TRERF1: variants seen among roughly 807,000 people sequenced by gnomAD.
TRERF1 encodes transcriptional-regulating factor 1.
In TRERF1, 27 loss-of-function variants were observed where a neutral mutation model predicts 122.9. The ratio of observed to expected loss-of-function variants is 0.22; its 90% CI spans 0.16 to 0.30. TRERF1 has a LOEUF of 0.30. Among genes scored for constraint, TRERF1 ranks in the 10% least tolerant of loss-of-function variants. The pLI, the probability that TRERF1 is intolerant of heterozygous loss-of-function variation, is 1.00. For synonymous variants in TRERF1, 636 were observed against 641.7 expected (o/e 0.99, Z 0.13); for missense variants, 1,248 against 1,560.3 (o/e 0.80, Z 3.37).
At chr6:42,407,873 C>T (rs1458210245) in intron 2 of TRERF1, among the ~76,000 whole-genome samples, 3 of 150,918 alleles carry the variant, frequency 2.0e-5, no homozygotes, top group South Asian at 2.1e-4. Context: ...CACAGGTAAG[C>T]GATTCCATAT....
chr6:42,266,791 T>C (rs80065942), intron 5 of TRERF1, among the ~76,000 whole-genome samples: 1 of 152,220 alleles, frequency 6.6e-6, no homozygotes, highest in Non-Finnish European at 1.5e-5. Flanking sequence ...GGGTTAATCA[T>C]GGTGCACAAG....
At chr6:42,389,152 C>A (rs1777293156) in intron 2 of TRERF1, among the ~76,000 whole-genome samples, 1 of 152,132 alleles carries the variant, frequency 6.6e-6, no homozygotes, top group Non-Finnish European at 1.5e-5. Flanking sequence ...TTAAAATAGC[C>A]CACTCCCTGG....
chr6:42,384,268 A>G (rs1776425036), intron 2 of TRERF1, among the ~76,000 whole-genome samples: 1 of 152,206 alleles, frequency 6.6e-6, no homozygotes, highest in Non-Finnish European at 1.5e-5. Flanking sequence ...CTTCTGTAAA[A>G]TGGAATGTTA....
chr6:42,354,222 T>G (rs776585966), intron 3 of TRERF1, among the ~76,000 whole-genome samples: 24 of 152,346 alleles, frequency 1.6e-4, no homozygotes, highest in Non-Finnish European at 2.6e-4. Context: ...TTCTTATTAC[T>G]GCTGAATTTG....
intron 2 of TRERF1, among the ~76,000 whole-genome samples, chr6:42,400,696 A>T (rs1463177028): frequency 6.6e-6 from 1 of 152,192 alleles, no homozygotes; most frequent in Non-Finnish European, 1.5e-5. Flanking sequence ...ATGGGAGAAG[A>T]CGAGGACTCA....
chr6:42,371,026 C>T (rs1484197210), intron 2 of TRERF1, among the ~76,000 whole-genome samples: 1 of 152,204 alleles, frequency 6.6e-6, no homozygotes, highest in Non-Finnish European at 1.5e-5. Flanking sequence ...ACCTGTAAAT[C>T]AGGAGCCCAG....
At chr6:42,308,253 G>A (rs1418387693) in intron 3 of TRERF1, among the ~76,000 whole-genome samples, 1 of 152,182 alleles carries the variant, frequency 6.6e-6, no homozygotes, top group Non-Finnish European at 1.5e-5. Flanking sequence ...AAACAAATGT[G>A]TTATATTCAT....
chr6:42,318,111 C>T (rs1258650846), intron 3 of TRERF1, among the ~76,000 whole-genome samples: 1 of 151,832 alleles, frequency 6.6e-6, no homozygotes, highest in Non-Finnish European at 1.5e-5. Flanking sequence ...CCGAGATCAC[C>T]CCACTACACT....
chr6:42,410,260 G>A (rs180969747), intron 2 of TRERF1, among the ~76,000 whole-genome samples: 94 of 152,170 alleles, frequency 6.2e-4, no homozygotes, highest in African/African-American at 2.1e-3. Flanking sequence ...CCCACCATGC[G>A]ATTCCTCCCA....
chr6:42,255,043 C>A, intron 12 of TRERF1, 117 bp from the exon 13 acceptor site: 1 of 975,234 alleles, frequency 1.0e-6, no homozygotes, highest in Non-Finnish European at 1.6e-6. Flanking sequence ...GGCGGGGGCA[C>A]TGGAAGGAAA....
rs148751415 is a variant in TRERF1, at chr6:42,231,216, T to A, written c.3278+1465A>T. ...TCAACCTCTTGCTCTCTCTCCCCTCTCTTTGCCCTTCCACAATGGGATGAC... is the reference window on the plus strand; with the variant it reads ...TCAACCTCTTGCTCTCTCTCCCCTCACTTTGCCCTTCCACAATGGGATGAC... On this transcript the variant is annotated intron_variant, in intron 17 of 17. Coordinates refer to ENST00000372922, the Ensembl canonical transcript of TRERF1. Among the ~76,000 whole-genome samples, 141 of 152,306 alleles carry A rather than the reference T, an allele frequency of 9.3e-4. 1 individual carries two copies. The highest frequency in any genetic ancestry group is 3.3e-3 in the African/African-American group (137 of 41,562).
At position 42,447,294 on chromosome 6, in the gene TRERF1, T is replaced by C. The variant is rs150790078; in HGVS notation, c.-454+3883A>G. Among the ~76,000 whole-genome samples, 927 of 152,332 alleles carry C rather than the reference T, an allele frequency of 6.1e-3. 6 individuals carry two copies. Among genetic ancestry groups the C allele is most frequent in the Non-Finnish European group, 9.8e-3 (664 of 68,032 alleles). ...AAAATATCACAGAGGCTTTTTGTTG[T>C]GTGTTTTCTTTAGCCCAGAAGAAAA... On this transcript the variant is annotated intron_variant, in intron 2 of 17. Transcript: ENST00000372922.
At chr6:42,293,873 C>T (rs1784678893) in intron 4 of TRERF1, among the ~76,000 whole-genome samples, 1 of 152,106 alleles carries the variant, frequency 6.6e-6, no homozygotes, top group Non-Finnish European at 1.5e-5. Flanking sequence ...ACCTCAGACT[C>T]ACCTTCTGCA....
chr6:42,351,072 T>C (rs1769350564), intron 3 of TRERF1, among the ~76,000 whole-genome samples: 1 of 152,112 alleles, frequency 6.6e-6, no homozygotes, highest in Non-Finnish European at 1.5e-5. Context: ...TAAGCAAAGC[T>C]TGCAAACTGA....
intron 2 of TRERF1, among the ~76,000 whole-genome samples, chr6:42,421,793 T>TA (rs1271631829): frequency 6.6e-6 from 1 of 151,874 alleles, no homozygotes; most frequent in Non-Finnish European, 1.5e-5. Context: ...ATTAATTAAT[T>TA]AATTAAATTA....
At chr6:42,312,472 G>A (rs1015662641) in intron 3 of TRERF1, among the ~76,000 whole-genome samples, 7 of 152,178 alleles carry the variant, frequency 4.6e-5, no homozygotes, top group East Asian at 3.9e-4. Flanking sequence ...CCCCTGTGCC[G>A]CTTACAAAAC....
chr6:42,283,786 T>G (rs147353450), intron 4 of TRERF1, among the ~76,000 whole-genome samples: 3,192 of 151,918 alleles, frequency 0.021, 116 homozygotes, highest in African/African-American at 0.073. Flanking sequence ...CTGGCTAATT[T>G]TGTATTTTTA....
chr6:42,374,136 T>TAAAA (rs775475126), intron 2 of TRERF1, among the ~76,000 whole-genome samples: 1 of 131,224 alleles, frequency 7.6e-6, no homozygotes, highest in African/African-American at 3.4e-5. Flanking sequence ...TGTCTTTTTT[T>TAAAA]TAAAAAAAAA....
chr6:42,254,448 C>G (rs547397090), intron 13 of TRERF1, among the ~76,000 whole-genome samples: 1 of 152,356 alleles, frequency 6.6e-6, no homozygotes, highest in South Asian at 2.1e-4. Flanking sequence ...ATACAAGTCT[C>G]ATTTTACAGG....
Sources: gnomAD v4.1 joint callset for allele counts (sites outside exome capture counted in the v4.1 genomes callset) on GRCh38, gnomAD v4.1.1 for gene constraint, MANE v1.5 for transcripts, NCBI Gene and HGNC (gene_info 2026-07-23, HGNC 2026-07-21) for gene names.